ACER3: variants seen among roughly 807,000 people sequenced by gnomAD.
The protein encoded by ACER3 is alkCDase 3.
Under a neutral mutation model 48.9 loss-of-function variants are expected in ACER3, and 16 were observed. The ratio of observed to expected loss-of-function variants is 0.33; its 90% confidence interval spans 0.22 to 0.50. The LOEUF is 0.50. ACER3 is among the 20% of genes least tolerant of loss of function. The pLI is 0.98. For synonymous variants in ACER3, 109 were observed against 107.8 expected, an observed-to-expected ratio of 1.01 and a Z score of -0.07; for missense variants, 227 against 326.0, an observed-to-expected ratio of 0.70 and a Z score of 2.34.
chr11:76,862,445 A>AT lies in ACER3; in HGVS notation c.103+1368dup, dbSNP rs780470340. Among the ~76,000 whole-genome samples the AT allele has an allele frequency of 9.8e-5, 15 of 152,334 alleles. No individual in the cohort carries two copies. The East Asian group carries it at 2.9e-3, about 29-fold the overall frequency. ...TGGCAAAGGGATCATTTGTAATACA[A>AT]TTACTTGGGAACCCACATGTTGGCA... On this transcript the variant is annotated intron_variant, in intron 1 of 10. Coordinates refer to ENST00000532485, the MANE Select transcript of ACER3 (RefSeq NM_018367.7).
chr11:76,866,545 A>G (rs1310752141), intron 1 of ACER3, among the ~76,000 whole-genome samples: 2 of 152,242 alleles, frequency 1.3e-5, no homozygotes, highest in Non-Finnish European at 2.9e-5. Flanking sequence ...ACTCACAATT[A>G]GTATACAGTG....
At chr11:76,964,624 G>A (rs1461638382) in intron 3 of ACER3, among the ~76,000 whole-genome samples, 7 of 151,210 alleles carry the variant, frequency 4.6e-5, no homozygotes, top group Non-Finnish European at 2.9e-5. Flanking sequence ...ACTTCCAGAG[G>A]AATGATGAGG....
chr11:76,926,781 T>G (rs1010116624), intron 2 of ACER3, 114 bp downstream of exon 2: 1 of 634,078 alleles, frequency 1.6e-6, no homozygotes, highest in African/African-American at 1.9e-5. Context: ...GAATATATTC[T>G]GAAACTTCTT....
At chr11:77,015,342 TTG>T (rs1286315300) in intron 8 of ACER3, 2 of 389,512 alleles carry the variant, frequency 5.1e-6, no homozygotes, top group Non-Finnish European at 9.1e-6. Flanking sequence ...GGTTTGGGTT[TTG>T]TGTGTGTGGG....
At chr11:76,885,940 A>G (rs1370400211) in intron 1 of ACER3, among the ~76,000 whole-genome samples, 1 of 152,204 alleles carries the variant, frequency 6.6e-6, no homozygotes, top group Non-Finnish European at 1.5e-5. Flanking sequence ...ACTTGTTCAT[A>G]ATGGCAGTGA....
chr11:76,901,228 G>A (rs1203369039), intron 1 of ACER3, among the ~76,000 whole-genome samples: 2 of 150,616 alleles, frequency 1.3e-5, no homozygotes, highest in African/African-American at 2.4e-5. Context: ...AACTTATGGG[G>A]TTCTCAGTGG....
intron 1 of ACER3, among the ~76,000 whole-genome samples, chr11:76,898,903 CAAAAAAAAAAAAAA>C (rs59278347): frequency 5.0e-4 from 28 of 55,834 alleles, no homozygotes; most frequent in African/African-American, 9.4e-4. Flanking sequence ...GACTCCGTCT[CAAAAAAAAAAAAAA>C]AAAAAAAAAA....
rs1249128563 is a variant in ACER3 at position 77,026,519 on chromosome 11, G to T, written c.*6192G>T. ...CAGATAAACTGTTCAAGCTAATACA[G>T]CATTTCCTAACTTCATAGTTGTCGC... On this transcript the variant is annotated 3_prime_UTR_variant, in exon 11 of 11. Coordinates refer to ENST00000532485, the MANE Select transcript of ACER3 (RefSeq NM_018367.7). The T allele has an allele frequency of 1.3e-5, 2 of 152,144 alleles. No individual in the cohort carries two copies. Among genetic ancestry groups the T allele is most frequent in the Non-Finnish European group, 2.9e-5 (2 of 68,026 alleles). The allele number at this position is 152,144 out of a possible 1,614,324, so 9.4% of individuals were successfully genotyped here.
intron 8 of ACER3, among the ~76,000 whole-genome samples, chr11:77,015,672 A>C (rs1482149834): frequency 6.6e-6 from 1 of 152,184 alleles, no homozygotes; most frequent in Non-Finnish European, 1.5e-5. Flanking sequence ...GGGTCATTCC[A>C]ACTCTAAATC....
intron 1 of ACER3, among the ~76,000 whole-genome samples, chr11:76,862,223 A>G (rs531946798): frequency 1.3e-5 from 2 of 152,240 alleles, no homozygotes; most frequent in African/African-American, 2.4e-5. Flanking sequence ...TTTGTAGGAA[A>G]GAGGCAAGCA....
At chr11:76,990,255 A>G (rs963113121) in intron 5 of ACER3, among the ~76,000 whole-genome samples, 3 of 152,198 alleles carry the variant, frequency 2.0e-5, no homozygotes, top group Non-Finnish European at 4.4e-5. Flanking sequence ...GAGAATCCAT[A>G]TATCCTTATC....
chr11:77,022,900 A>G lies in ACER3; in HGVS notation c.*2573A>G. On this transcript the variant is annotated 3_prime_UTR_variant, in exon 11 of 11. Coordinates refer to ENST00000532485, the MANE Select transcript of ACER3 (RefSeq NM_018367.7). ...AAAAAAAAAAAAAAAAAAGAAAAGA[A>G]AAGAAAATATAAGGATGTAAAAGAA... 1 of 363,408 alleles carries G rather than the reference A, an allele frequency of 2.8e-6. No individual in the cohort carries two copies. The highest frequency in any genetic ancestry group is 4.0e-5 in the East Asian group (1 of 25,126). The allele number at this position is 363,408 out of a possible 1,614,324, so 22.5% of individuals were successfully genotyped here. A position where few individuals can be genotyped will look rare whatever the true frequency, so the allele number is the denominator to read the frequency against.
At position 76,890,989 on chromosome 11, in the gene ACER3, C is replaced by T. The variant is rs540457543; in HGVS notation, c.103+29910C>T. ...CAAAAATTAGCCAGGCATGGTGGCACGTGCCTGTAGTTTCAGCTACTCTGG... is the reference window on the plus strand; with the variant it reads ...CAAAAATTAGCCAGGCATGGTGGCATGTGCCTGTAGTTTCAGCTACTCTGG... On this transcript the variant is annotated intron_variant, in intron 1 of 10. Transcript: ENST00000532485. Among the ~76,000 whole-genome samples the T allele has an allele frequency of 4.0e-5, 6 of 151,826 alleles. 1 individual carries two copies. The highest frequency in any genetic ancestry group is 2.1e-4 in the South Asian group (1 of 4,808).
intron 3 of ACER3, among the ~76,000 whole-genome samples, chr11:76,969,213 A>G (rs956195246): frequency 6.6e-6 from 1 of 152,252 alleles, no homozygotes; most frequent in African/African-American, 2.4e-5. Context: ...GTCACTGGCC[A>G]TCAGAGAAAT....
At chr11:76,870,514 T>A (rs1945216914) in intron 1 of ACER3, among the ~76,000 whole-genome samples, 1 of 152,172 alleles carries the variant, frequency 6.6e-6, no homozygotes. Context: ...CCTGTGAACA[T>A]GGGTGTACAA....
At chr11:76,868,074 C>G in intron 1 of ACER3, 2 of 1,282,668 alleles carry the variant, frequency 1.6e-6, no homozygotes, top group Non-Finnish European at 2.0e-6. Context: ...AGGCATTTGA[C>G]TGCTTGTAGC....
chr11:76,948,211 C>CTGTGTATGTGTG lies in ACER3; in HGVS notation c.215-10763_215-10762insATGTGTGTGTGT, dbSNP rs1427598124. ...TGCTGTAGCTCCATTCTGGCTCACT[C>CTGTGTATGTGTG]TGTGTGTGTGTGTGTGTGTGTGTGT... On this transcript the variant is annotated intron_variant, in intron 2 of 10. Transcript: ENST00000532485. Among the ~76,000 whole-genome samples, 18 of 135,764 alleles carry CTGTGTATGTGTG rather than the reference C, an allele frequency of 1.3e-4. 1 individual carries two copies. Among genetic ancestry groups the CTGTGTATGTGTG allele is most frequent in the African/African-American group, 4.8e-4 (18 of 37,134 alleles). The allele number at this position is 135,764 out of a possible 152,430, so 89.1% of individuals were successfully genotyped here. A position where few individuals can be genotyped will look rare whatever the true frequency, so the allele number is the denominator to read the frequency against.
chr11:76,904,590 G>A (rs998969772), intron 1 of ACER3, among the ~76,000 whole-genome samples: 2 of 152,068 alleles, frequency 1.3e-5, no homozygotes, highest in African/African-American at 2.4e-5. Context: ...CTGTGTCATG[G>A]ACGTGGTCAC....
chr11:76,868,342 C>T, intron 1 of ACER3: 1 of 1,197,866 alleles, frequency 8.3e-7, no homozygotes. Flanking sequence ...AATGAAAGGA[C>T]AAATTGAGTG....
Sources: gnomAD v4.1 joint callset for allele counts (sites outside exome capture counted in the v4.1 genomes callset) on GRCh38, gnomAD v4.1.1 for gene constraint, MANE v1.5 for transcripts, NCBI Gene and HGNC (gene_info 2026-07-23, HGNC 2026-07-21) for gene names.